PSMA6: variants seen among roughly 807,000 people sequenced by gnomAD.
The protein encoded by PSMA6 is proteasome subunit alpha type-6.
For synonymous variants in PSMA6, 88 were observed against 97.7 expected (o/e 0.90, Z 0.59); for missense variants, 170 against 294.8 (o/e 0.58, Z 3.10).
chr14:35,279,412 T>C (rs2051341508), intron 1 of PSMA6, among the ~76,000 whole-genome samples: 1 of 152,210 alleles, frequency 6.6e-6, no homozygotes, highest in Admixed American at 6.5e-5. Context: ...ACTACAGCAT[T>C]GCTGGACACC....
intron 4 of PSMA6, among the ~76,000 whole-genome samples, chr14:35,312,388 TC>T (rs1298966724): frequency 2.0e-5 from 3 of 151,140 alleles, no homozygotes; most frequent in Non-Finnish European, 4.4e-5. Flanking sequence ...GCACCTGTAG[TC>T]CCAGCTACTC....
chr14:35,289,829 C>T (rs991529636), upstream of PSMA6, among the ~76,000 whole-genome samples: 1 of 144,454 alleles, frequency 6.9e-6, no homozygotes, highest in Non-Finnish European at 1.5e-5. Context: ...AGGCTGAGGC[C>T]AGAGGATCAC....
At chr14:35,280,323 G>A (rs940316141) in intron 1 of PSMA6, among the ~76,000 whole-genome samples, 1 of 151,240 alleles carries the variant, frequency 6.6e-6, no homozygotes, top group Admixed American at 6.6e-5. Flanking sequence ...CACTCCCATT[G>A]CCAGTATCAC....
chr14:35,301,328 A>G (rs2051706928), intron 1 of PSMA6, among the ~76,000 whole-genome samples: 1 of 151,966 alleles, frequency 6.6e-6, no homozygotes, highest in South Asian at 2.1e-4. Flanking sequence ...AACATGGTAA[A>G]ACCCCGTCTC....
intron 1 of PSMA6, among the ~76,000 whole-genome samples, chr14:35,305,745 G>A (rs2051811361): frequency 6.6e-6 from 1 of 152,094 alleles, no homozygotes; most frequent in African/African-American, 2.4e-5. Flanking sequence ...GTTATCTTCT[G>A]TGTTTTCATA....
At chr14:35,317,153 A>G in intron 6 of PSMA6, 96 bp from the exon 7 acceptor site, 3 of 837,226 alleles carry the variant, frequency 3.6e-6, no homozygotes, top group South Asian at 1.4e-5. Context: ...AAGTAGGTTG[A>G]TAGGTATATG....
intron 1 of PSMA6, 81 bp downstream of exon 1, chr14:35,292,633 G>A: frequency 6.4e-7 from 1 of 1,566,920 alleles, no homozygotes; most frequent in Non-Finnish European, 8.6e-7. Flanking sequence ...CGCGGCCCGG[G>A]TTTAGTCTGG....
In PSMA6 at chr14:35,312,781, C is replaced by T. The variant is rs2051969406; in HGVS notation, c.410-100C>T. The T allele has an allele frequency of 6.4e-6, 7 of 1,092,518 alleles. No individual in the cohort carries two copies. The South Asian group carries it at 9.7e-5, about 15-fold the overall frequency. The allele number at this position is 1,092,518 out of a possible 1,614,324, so 67.7% of individuals were successfully genotyped here. ...AAAATACATATCCTAAAATTGATGG[C>T]CAAAGTCATGATTAGCAGCAGCTAT... On this transcript the variant is annotated intron_variant, in intron 4 of 6. Coordinates refer to ENST00000261479, the MANE Select transcript of PSMA6 (RefSeq NM_002791.3).
chr14:35,300,454 AGAGT>A (rs1397601447), intron 1 of PSMA6, among the ~76,000 whole-genome samples: 5 of 152,218 alleles, frequency 3.3e-5, no homozygotes, highest in African/African-American at 1.2e-4. Context: ...CCTAGACAAC[AGAGT>A]GAGACCTTGT....
At chr14:35,304,177 C>T (rs907693811) in intron 1 of PSMA6, among the ~76,000 whole-genome samples, 1 of 151,962 alleles carries the variant, frequency 6.6e-6, no homozygotes, top group Admixed American at 6.6e-5. Flanking sequence ...TTCACCATGT[C>T]GGCCAGGATG....
At position 35,307,978 on chromosome 14, in the gene PSMA6, C is replaced by G. The variant is rs369396667; in HGVS notation, c.77-16C>G. 1.4e-5 allele frequency: 23 copies of G among 1,609,724 alleles called. No individual in the cohort carries two copies. Among genetic ancestry groups the G allele is most frequent in the Non-Finnish European group, 1.7e-5 (20 of 1,177,310 alleles). On this transcript the variant is annotated splice_polypyrimidine_tract_variant and intron_variant, in intron 1 of 6. Transcript: ENST00000261479. ...GTAATTTATTCCAACTTAAAAAAAACTGTTCTGTTTTCCAGAATATGCTTT... is the reference window on the plus strand; with the variant it reads ...GTAATTTATTCCAACTTAAAAAAAAGTGTTCTGTTTTCCAGAATATGCTTT...
At chr14:35,299,331 T>TTTTTTTTTTTTTTTTTTTTG (rs1461896952) in intron 1 of PSMA6, among the ~76,000 whole-genome samples, 1 of 119,662 alleles carries the variant, frequency 8.4e-6, no homozygotes, top group African/African-American at 3.2e-5. Context: ...CAGCCTCTTT[T>TTTTTTTTTTTTTTTTTTTTG]TTTTTTTTTG....
At chr14:35,311,519 C>T (rs1341630959) in intron 4 of PSMA6, among the ~76,000 whole-genome samples, 2 of 152,148 alleles carry the variant, frequency 1.3e-5, no homozygotes, top group Non-Finnish European at 2.9e-5. Context: ...TTAAAAATTA[C>T]TTAAATCATA....
At chr14:35,283,552 C>CTTT (rs750836861) in intron 1 of PSMA6, among the ~76,000 whole-genome samples, 1 of 126,686 alleles carries the variant, frequency 7.9e-6, no homozygotes, top group Non-Finnish European at 1.7e-5. Flanking sequence ...GACTAGAACT[C>CTTT]TTTTTTTTTT....
chr14:35,286,073 G>T (rs2051419041), intron 1 of PSMA6, among the ~76,000 whole-genome samples: 1 of 152,174 alleles, frequency 6.6e-6, no homozygotes, highest in Non-Finnish European at 1.5e-5. Flanking sequence ...TCAAATAGTA[G>T]GTGGCTTAAT....
At chr14:35,282,777 C>G (rs1281170807) in intron 1 of PSMA6, among the ~76,000 whole-genome samples, 1 of 151,802 alleles carries the variant, frequency 6.6e-6, no homozygotes, top group African/African-American at 2.4e-5. Context: ...ATTGCTTGAG[C>G]CTGGGAGGCA....
chr14:35,311,157 C>T, intron 4 of PSMA6: 1 of 314,524 alleles, frequency 3.2e-6, no homozygotes, highest in Non-Finnish European at 5.9e-6. Flanking sequence ...GATGCAAGTC[C>T]TCATTATTAG....
intron 1 of PSMA6, among the ~76,000 whole-genome samples, chr14:35,303,371 T>A (rs1488225605): frequency 6.6e-6 from 1 of 152,192 alleles, no homozygotes; most frequent in Non-Finnish European, 1.5e-5. Flanking sequence ...TCTCACTCTC[T>A]AGTGCTCTGG....
chr14:35,295,937 T>C (rs184534669), intron 1 of PSMA6, among the ~76,000 whole-genome samples: 86 of 152,268 alleles, frequency 5.6e-4, no homozygotes, highest in African/African-American at 2.0e-3. Flanking sequence ...CCTGGCTACT[T>C]GTAGGCCCTT....
Sources: gnomAD v4.1 joint callset for allele counts (sites outside exome capture counted in the v4.1 genomes callset) on GRCh38, gnomAD v4.1.1 for gene constraint, MANE v1.5 for transcripts, NCBI Gene and HGNC (gene_info 2026-07-23, HGNC 2026-07-21) for gene names.